The following PCED1B variants were observed in gnomAD, a reference collection of about 807,000 sequenced individuals.
The protein encoded by PCED1B is PC-esterase domain-containing protein 1B.
For synonymous variants in PCED1B, 251 were observed against 246.1 expected (o/e 1.02, Z -0.19); for missense variants, 573 against 573.9 (o/e 1.00, Z 0.02).
intron 1 of PCED1B, among the ~76,000 whole-genome samples, chr12:47,102,004 C>G (rs1174164121): frequency 6.6e-6 from 1 of 152,020 alleles, no homozygotes; most frequent in African/African-American, 2.4e-5. Context: ...TAAGAGAGAA[C>G]TCAGAGAAAT....
intron 1 of PCED1B, among the ~76,000 whole-genome samples, chr12:47,084,530 A>G (rs1937890738): frequency 6.6e-6 from 1 of 152,148 alleles, no homozygotes; most frequent in African/African-American, 2.4e-5. Flanking sequence ...GGATTTGCCT[A>G]TTCTGGACAT....
chr12:47,154,778 C>CGTGT (rs1565571640), intron 2 of PCED1B, among the ~76,000 whole-genome samples: 1 of 92,600 alleles, frequency 1.1e-5, no homozygotes, highest in African/African-American at 5.3e-5. Context: ...TGTGTGTGTG[C>CGTGT]ATGTGTGTGT....
At chr12:47,145,974 G>T (rs1235986401) in intron 2 of PCED1B, among the ~76,000 whole-genome samples, 1 of 152,110 alleles carries the variant, frequency 6.6e-6, no homozygotes, top group Non-Finnish European at 1.5e-5. Context: ...GATTGATCTG[G>T]GCAAAGAAAA....
intron 2 of PCED1B, among the ~76,000 whole-genome samples, chr12:47,155,847 C>T (rs1290871773): frequency 6.6e-6 from 1 of 152,176 alleles, no homozygotes; most frequent in African/African-American, 2.4e-5. Flanking sequence ...GTTTTAGAAA[C>T]AAGTTCCCAC....
rs139115714 is a variant in PCED1B at position 47,098,757 on chromosome 12, C to T, written c.-608-5356C>T. Reference sequence around the variant, plus strand: ...TCCGCCTCCCAAAGTGCTGGGATTACAGGCGTGAGCCACCGCGCCTGGCCA... The same window carrying T: ...TCCGCCTCCCAAAGTGCTGGGATTATAGGCGTGAGCCACCGCGCCTGGCCA... On this transcript the variant is annotated intron_variant, in intron 1 of 3. Transcript: ENST00000546455. Among the ~76,000 whole-genome samples the T allele has an allele frequency of 5.5e-3, 833 of 152,298 alleles. 7 individuals carry two copies. Among genetic ancestry groups the T allele is most frequent in the African/African-American group, 0.018 (747 of 41,570 alleles).
chr12:47,113,688 C>A (rs1327995529), intron 2 of PCED1B, among the ~76,000 whole-genome samples: 2 of 151,922 alleles, frequency 1.3e-5, no homozygotes, highest in Non-Finnish European at 2.9e-5. Context: ...AGCCAAAATG[C>A]AATTTTTTTT....
intron 2 of PCED1B, among the ~76,000 whole-genome samples, chr12:47,154,717 G>T (rs1941130213): frequency 6.6e-6 from 1 of 151,730 alleles, no homozygotes. Flanking sequence ...TAGTTCTGGG[G>T]ATCATCATGT....
chr12:47,110,637 C>T (rs147168366), intron 2 of PCED1B, among the ~76,000 whole-genome samples: 196 of 152,276 alleles, frequency 1.3e-3, no homozygotes, highest in African/African-American at 4.6e-3. Flanking sequence ...AGAGAAGCAG[C>T]CTCATCTTGA....
At chr12:47,234,590 G>A (rs563620902) in intron 3 of PCED1B, among the ~76,000 whole-genome samples, 11 of 152,188 alleles carry the variant, frequency 7.2e-5, no homozygotes, top group African/African-American at 2.6e-4. Context: ...GCTTACTTGG[G>A]GTCCTCATTA....
At chr12:47,232,020 A>G (rs1265168252) in intron 3 of PCED1B, among the ~76,000 whole-genome samples, 1 of 152,230 alleles carries the variant, frequency 6.6e-6, no homozygotes, top group Non-Finnish European at 1.5e-5. Flanking sequence ...ACAATTATCA[A>G]CTAGTATTTC....
chr12:47,221,726 TAGGGAGACTGTTCAA>T (rs1263340550), intron 3 of PCED1B, among the ~76,000 whole-genome samples: 1 of 152,170 alleles, frequency 6.6e-6, no homozygotes, highest in Non-Finnish European at 1.5e-5. Context: ...TATTTACATT[TAGGGAGACTGTTCAA>T]AGGTCACAAG....
chr12:47,232,288 G>A (rs764300957), intron 3 of PCED1B, among the ~76,000 whole-genome samples: 3 of 152,142 alleles, frequency 2.0e-5, no homozygotes, highest in Admixed American at 6.5e-5. Flanking sequence ...ACTGCACCCA[G>A]CCAAAACTTT....
At chr12:47,111,963 C>T (rs571927176) in intron 2 of PCED1B, among the ~76,000 whole-genome samples, 4 of 152,196 alleles carry the variant, frequency 2.6e-5, no homozygotes, top group Non-Finnish European at 4.4e-5. Flanking sequence ...CACTGCCCCT[C>T]ATAAGCTGTT....
chr12:47,116,316 C>G (rs938533430), intron 2 of PCED1B, among the ~76,000 whole-genome samples: 4 of 152,082 alleles, frequency 2.6e-5, no homozygotes, highest in Non-Finnish European at 4.4e-5. Flanking sequence ...CATAGTCTGT[C>G]AAAGCAACTG....
Position 47,108,421 on chromosome 12 carries a change from C to T in PCED1B, c.-526+4226C>T, listed in dbSNP as rs116341357. Among the ~76,000 whole-genome samples the T allele has an allele frequency of 6.0e-3, 910 of 152,318 alleles. 5 individuals are homozygous for T. The highest frequency in any genetic ancestry group is 0.02 in the African/African-American group (839 of 41,574). On this transcript the variant is annotated intron_variant, in intron 2 of 3. Coordinates refer to ENST00000546455, the MANE Select transcript of PCED1B (RefSeq NM_138371.3). ...CTCCCAGAATCTTCTGCACCCTACACGTTCCTGTTGTTCAGATTCTGTCTG... is the reference window on the plus strand; with the variant it reads ...CTCCCAGAATCTTCTGCACCCTACATGTTCCTGTTGTTCAGATTCTGTCTG...
chr12:47,113,593 G>T (rs557859465), intron 2 of PCED1B, among the ~76,000 whole-genome samples: 1 of 152,340 alleles, frequency 6.6e-6, no homozygotes, highest in South Asian at 2.1e-4. Context: ...CAGACAATCA[G>T]ATTTTACCAG....
intron 1 of PCED1B, among the ~76,000 whole-genome samples, chr12:47,099,405 G>A (rs1480147818): frequency 6.6e-6 from 1 of 152,080 alleles, no homozygotes; most frequent in African/African-American, 2.4e-5. Context: ...TACTACATAA[G>A]CTCTTCTGTC....
chr12:47,178,555 AAAGGG>A (rs1187853716), intron 2 of PCED1B, among the ~76,000 whole-genome samples: 3 of 152,186 alleles, frequency 2.0e-5, no homozygotes, highest in African/African-American at 7.2e-5. Flanking sequence ...CTCAAAAAAT[AAAGGG>A]AAAAAAAGCA....
At position 47,236,134 on chromosome 12, in the gene PCED1B, A is replaced by C; in HGVS notation, c.1071A>C (p.Ser357=). 7 of 1,614,106 alleles carry C rather than the reference A, an allele frequency of 4.3e-6. No individual in the cohort carries two copies. Among genetic ancestry groups the C allele is most frequent in the Non-Finnish European group, 5.9e-6 (7 of 1,180,030 alleles). The change falls in exon 4 of 4, where the codon TCA becomes TCC. Residue 357 remains serine, a synonymous_variant. Coordinates refer to ENST00000546455, the MANE Select transcript of PCED1B (RefSeq NM_138371.3). ...TFQSDQFYCH[S]DVPSSAHAGF... ...AGTCGGATCAATTCTATTGCCATTC[A>C]GATGTCCCCTCATCAGCCCATGCAG...
Sources: gnomAD v4.1 joint callset for allele counts (sites outside exome capture counted in the v4.1 genomes callset) on GRCh38, gnomAD v4.1.1 for gene constraint, MANE v1.5 for transcripts, NCBI Gene and HGNC (gene_info 2026-07-23, HGNC 2026-07-21) for gene names.